Variants in FAM91A1 observed in about 807,000 individuals in gnomAD.
The protein encoded by FAM91A1 is family with sequence similarity 91 member A1, also known as protein FAM91A1.
In FAM91A1, 41 loss-of-function variants were observed where a neutral mutation model predicts 113.5. That is an observed-to-expected ratio of 0.36 (90% CI 0.28 to 0.47). The LOEUF is 0.47. Ranked by LOEUF, FAM91A1 falls within the 20% of genes least tolerant of loss-of-function variation. The pLI is 1.00. For missense variants in FAM91A1, 696 were observed against 1,001.2 expected (o/e 0.70, Z 4.11); for synonymous variants, 307 against 347.9 (o/e 0.88, Z 1.31).
intron 15 of FAM91A1, among the ~76,000 whole-genome samples, chr8:123,796,461 CTT>C (rs71289612): frequency 5.4e-4 from 69 of 128,966 alleles, no homozygotes; most frequent in East Asian, 1.1e-3. Flanking sequence ...GAGTGAAGGG[CTT>C]TTTTTTTTTT....
At chr8:123,806,360 C>G (rs1455789407) in intron 20 of FAM91A1, 131 bp downstream of exon 20, 54 of 995,002 alleles carry the variant, frequency 5.4e-5, no homozygotes, top group Non-Finnish European at 3.6e-5. Context: ...TTCACTGAAG[C>G]ACGAGGAAAT....
At position 123,812,684 on chromosome 8, in the gene FAM91A1, G is replaced by T; in HGVS notation, c.2497G>T (p.Ala833Ser). 6.3e-7 allele frequency: 1 copy of T among 1,580,548 alleles called. No individual in the cohort carries two copies. Among genetic ancestry groups the T allele is most frequent in the Non-Finnish European group, 8.6e-7 (1 of 1,167,924 alleles). ...SGRSPSSLLI[A>S]NLHLQ is the part of the protein sequence containing the mutation. ...ACGGTCACCTTCCTCACTTCTTATT[G>T]CTAATCTCCATTTGCAATAATTTGG... The change falls in exon 24 of 24, where the codon GCT becomes TCT. Residue 833 changes from alanine (A) to serine (S), a missense_variant. Transcript: ENST00000334705.
intron 16 of FAM91A1, among the ~76,000 whole-genome samples, chr8:123,799,215 A>G (rs1815617080): frequency 6.6e-6 from 1 of 152,238 alleles, no homozygotes; most frequent in Admixed American, 6.5e-5. Context: ...TATTTTATAG[A>G]TTGAGCAAAA....
intron 14 of FAM91A1, chr8:123,788,095 A>G: frequency 6.8e-6 from 5 of 735,358 alleles, no homozygotes; most frequent in Non-Finnish European, 8.3e-6. Flanking sequence ...ACTCTCTAAG[A>G]TCACCTCTTA....
chr8:123,814,023 C>T lies in FAM91A1; in HGVS notation c.*1319C>T. ...ACATACATACTTCAGGAAATATATG[C>T]CTTTCCTAAAACTTAACCATGCATT... On this transcript the variant is annotated 3_prime_UTR_variant, in exon 24 of 24. Coordinates refer to ENST00000334705, the MANE Select transcript of FAM91A1 (RefSeq NM_144963.4). The T allele has an allele frequency of 3.6e-6, 1 of 276,424 alleles. No individual in the cohort carries two copies. 17.1% of individuals were successfully genotyped at this position (276,424 alleles called of 1,614,324 possible). A position where few individuals can be genotyped will look rare whatever the true frequency, so the allele number is the denominator to read the frequency against.
rs949899240 is a variant in FAM91A1 at position 123,787,583 on chromosome 8, A to G, written c.1192-81A>G. ...AATCCTTAAGTTTAAATATATTTGA[A>G]AGGATAATATAAATATTTGATAGTA... On this transcript the variant is annotated intron_variant, in intron 13 of 23. Transcript: ENST00000334705. The G allele has an allele frequency of 1.2e-5, 14 of 1,201,754 alleles. No homozygotes were observed. The African/African-American group carries it at 1.7e-4, about 15-fold the overall frequency. The allele number at this position is 1,201,754 out of a possible 1,614,324, so 74.4% of individuals were successfully genotyped here. A position where few individuals can be genotyped will look rare whatever the true frequency, so the allele number is the denominator to read the frequency against.
chr8:123,814,430 A>T lies in FAM91A1; in HGVS notation c.*1726A>T, dbSNP rs180848200. On this transcript the variant is annotated 3_prime_UTR_variant, in exon 24 of 24. Coordinates refer to ENST00000334705, the MANE Select transcript of FAM91A1 (RefSeq NM_144963.4). Reference sequence around the variant, plus strand: ...TATTTTATTTATTCCTATATTAACCATCTAAACCAACTGTAATGACATGTA... The same window carrying T: ...TATTTTATTTATTCCTATATTAACCTTCTAAACCAACTGTAATGACATGTA... The T allele has an allele frequency of 5.3e-6, 1 of 187,114 alleles. No individual in the cohort carries two copies. The highest frequency in any genetic ancestry group is 2.4e-5 in the African/African-American group (1 of 41,546). The allele number at this position is 187,114 out of a possible 1,614,324, so 11.6% of individuals were successfully genotyped here.
At chr8:123,809,783 T>C (rs904015693) in intron 22 of FAM91A1, among the ~76,000 whole-genome samples, 3 of 152,204 alleles carry the variant, frequency 2.0e-5, no homozygotes, top group Non-Finnish European at 2.9e-5. Flanking sequence ...AACAAAGTAA[T>C]ATACATGAGT....
chr8:123,768,921 G>T (rs1054216960), intron 1 of FAM91A1, 147 bp downstream of exon 1: 2 of 818,210 alleles, frequency 2.4e-6, no homozygotes, highest in East Asian at 5.5e-5. Flanking sequence ...CGGACCTTCA[G>T]CCCAGGGCGA....
chr8:123,787,244 A>T lies in FAM91A1; in HGVS notation c.1079-17A>T. The T allele has an allele frequency of 6.4e-7, 1 of 1,567,218 alleles. No individual in the cohort carries two copies. Among genetic ancestry groups the T allele is most frequent in the Non-Finnish European group, 8.7e-7 (1 of 1,144,238 alleles). ...ATAATTTCCATTTACTTGATTTTAA[A>T]TTATGGTGTTTTTCAGCTGACACAG... On this transcript the variant is annotated splice_polypyrimidine_tract_variant and intron_variant, in intron 12 of 23. Coordinates refer to ENST00000334705, the MANE Select transcript of FAM91A1 (RefSeq NM_144963.4).
intron 8 of FAM91A1, among the ~76,000 whole-genome samples, chr8:123,781,292 A>C (rs1170354707): frequency 3.3e-5 from 5 of 152,184 alleles, no homozygotes; most frequent in Admixed American, 2.6e-4. Context: ...TAAAGTGTCA[A>C]AAAATTTCAG....
At chr8:123,809,935 G>A (rs138383849) in intron 22 of FAM91A1, among the ~76,000 whole-genome samples, 272 of 152,242 alleles carry the variant, frequency 1.8e-3, no homozygotes, top group African/African-American at 6.3e-3. Context: ...TTGTTTAAAG[G>A]TTGTGTCATA....
intron 12 of FAM91A1, 46 bp downstream of exon 12, chr8:123,786,656 C>T: frequency 7.2e-7 from 1 of 1,384,150 alleles, no homozygotes; most frequent in East Asian, 2.3e-5. Context: ...GTAGGTACGG[C>T]ACATGTCCAA....
rs188426261 is a variant in FAM91A1 at position 123,800,350 on chromosome 8, A to C, written c.1809+465A>C. Among the ~76,000 whole-genome samples the C allele has an allele frequency of 9.2e-5, 14 of 152,254 alleles. No homozygotes were observed. In the East Asian group the frequency reaches 1.2e-3, roughly 13 times the overall value. ...TAGAGATTAACAACAATTACTAATA[A>C]GAAAATAGCATACTGTAATATAAGT... On this transcript the variant is annotated intron_variant, in intron 18 of 23. Transcript: ENST00000334705.
rs1815081467 is a variant in FAM91A1, at chr8:123,780,018, A to G, written c.583A>G (p.Lys195Glu). The G allele has an allele frequency of 2.5e-6, 4 of 1,613,426 alleles. No homozygotes were observed. The highest frequency in any genetic ancestry group is 1.7e-5 in the Admixed American group (1 of 59,982). ...TTTGCCTGAGAAATGCGCTGTTGAT[A>G]AGATCATCGATTCAGGCCCTCAACT... ...CTLPEKCAVD[K>E]IIDSGPQLSG... The change falls in exon 7 of 24, where the codon AAG becomes GAG. Residue 195 changes from lysine (K) to glutamate (E), a missense_variant. Transcript: ENST00000334705.
chr8:123,796,655 C>T (rs886428406), intron 15 of FAM91A1, among the ~76,000 whole-genome samples: 6 of 151,184 alleles, frequency 4.0e-5, no homozygotes, highest in East Asian at 4.0e-4. Flanking sequence ...GACGGGGTTT[C>T]GCCATGTTGA....
At chr8:123,771,687 G>GAT in intron 1 of FAM91A1, among the ~76,000 whole-genome samples, 1 of 152,176 alleles carries the variant, frequency 6.6e-6, no homozygotes, top group South Asian at 2.1e-4. Context: ...GAAATCTTAT[G>GAT]ATAAGTTTCT....
chr8:123,775,353 G>T lies in FAM91A1; in HGVS notation c.309+55G>T, dbSNP rs912063822. 15 of 1,573,456 alleles carry T rather than the reference G, an allele frequency of 9.5e-6. 1 individual carries two copies. The Admixed American group carries it at 1.3e-4, about 13-fold the overall frequency. On this transcript the variant is annotated intron_variant, in intron 3 of 23. Transcript: ENST00000334705. Reference sequence around the variant, plus strand: ...GAATGGGATGGGACTACATGTCTGGGACTTTTTGCAGATGTTCACCAGCTC... The same window carrying T: ...GAATGGGATGGGACTACATGTCTGGTACTTTTTGCAGATGTTCACCAGCTC...
At chr8:123,811,427 A>G (rs1490567810) in intron 23 of FAM91A1, 2 of 152,202 alleles carry the variant, frequency 1.3e-5, no homozygotes, top group African/African-American at 4.8e-5. Context: ...AATAAATGGA[A>G]AAATTTCAAA....
Sources: allele counts gnomAD v4.1 joint callset (sites outside exome capture counted in the v4.1 genomes callset), GRCh38; gene constraint gnomAD v4.1.1; transcripts MANE v1.5; gene names NCBI Gene and HGNC (gene_info 2026-07-23, HGNC 2026-07-21).